KBTBD12: variants seen among roughly 807,000 people sequenced by gnomAD.
KBTBD12 encodes kelch repeat and BTB domain containing 12.
Under a neutral mutation model 58.7 loss-of-function variants are expected in KBTBD12, and 53 were observed. That is an observed-to-expected ratio of 0.90 (90% CI 0.72 to 1.14). The LOEUF (loss-of-function observed/expected upper bound fraction) is 1.14, where lower values mean the gene tolerates loss of function less well. Among genes scored for constraint, KBTBD12 ranks in the 50% most tolerant of loss-of-function variants. The pLI is 0.00. For synonymous variants in KBTBD12, 236 were observed against 259.8 expected (o/e 0.91, Z 0.88); for missense variants, 704 against 751.3 (o/e 0.94, Z 0.74).
At chr3:127,938,051 G>A (rs1463058404) in intron 4 of KBTBD12, among the ~76,000 whole-genome samples, 1 of 152,116 alleles carries the variant, frequency 6.6e-6, no homozygotes, top group African/African-American at 2.4e-5. Flanking sequence ...GAATTTTAAA[G>A]TATGTCTTTA....
chr3:127,972,886 A>T (rs576852312), intron 5 of KBTBD12, among the ~76,000 whole-genome samples: 94 of 152,370 alleles, frequency 6.2e-4, no homozygotes, highest in Middle Eastern at 3.4e-3. Flanking sequence ...GATAGCCAAG[A>T]TCCTAATTTG....
intron 1 of KBTBD12, among the ~76,000 whole-genome samples, chr3:127,921,513 A>G (rs1160613965): frequency 1.3e-5 from 2 of 152,118 alleles, no homozygotes; most frequent in African/African-American, 4.8e-5. Context: ...TGTACCTTAT[A>G]TGTACAAGAA....
At chr3:127,928,381 C>T (rs986132529) in intron 3 of KBTBD12, among the ~76,000 whole-genome samples, 6 of 152,198 alleles carry the variant, frequency 3.9e-5, no homozygotes, top group African/African-American at 1.4e-4. Context: ...TTCTGTGTGT[C>T]TAATAGCTCT....
At chr3:127,931,565 A>G (rs184497699) in intron 4 of KBTBD12, among the ~76,000 whole-genome samples, 32 of 152,244 alleles carry the variant, frequency 2.1e-4, no homozygotes, top group Admixed American at 7.9e-4. Context: ...TGATATATCC[A>G]TTGGACCAGA....
intron 4 of KBTBD12, among the ~76,000 whole-genome samples, chr3:127,951,974 T>C (rs1451879792): frequency 6.6e-6 from 1 of 152,222 alleles, no homozygotes; most frequent in Non-Finnish European, 1.5e-5. Flanking sequence ...TGTTGGAAAA[T>C]GAAAGATTCT....
chr3:127,922,070 T>C (rs1395451203), intron 1 of KBTBD12, among the ~76,000 whole-genome samples: 1 of 152,164 alleles, frequency 6.6e-6, no homozygotes, highest in Admixed American at 6.5e-5. Context: ...TCTAGGAATG[T>C]CCTTCTTTAA....
chr3:127,923,841 C>A lies in KBTBD12; in HGVS notation c.780C>A (p.Pro260=). The A allele has an allele frequency of 6.2e-7, 1 of 1,613,924 alleles. No individual in the cohort carries two copies. Among genetic ancestry groups the A allele is most frequent in the Non-Finnish European group, 8.5e-7 (1 of 1,179,852 alleles). Residue 260 remains proline (P), a synonymous_variant, in exon 2 of 6, where the codon CCC becomes CCA. Coordinates refer to ENST00000405109, the MANE Select transcript of KBTBD12 (RefSeq NM_207335.4). ...IQNAFKAIKT[P]QQHSLNLRYG... ...ATGCATTCAAAGCCATCAAGACACC[C>A]CAACAGCACTCTCTAAATCTGCGCT... is the stretch of plus-strand genomic sequence containing the variant.
At chr3:127,966,730 C>G (rs2107612150) in intron 5 of KBTBD12, among the ~76,000 whole-genome samples, 1 of 152,136 alleles carries the variant, frequency 6.6e-6, no homozygotes, top group South Asian at 2.1e-4. Flanking sequence ...TTCCCCCAAA[C>G]TGAAGTCATC....
At chr3:127,956,543 A>C (rs781144203) in intron 4 of KBTBD12, among the ~76,000 whole-genome samples, 1 of 152,148 alleles carries the variant, frequency 6.6e-6, no homozygotes, top group East Asian at 1.9e-4. Flanking sequence ...ATACTTTTAG[A>C]TTGCTTAAAT....
intron 5 of KBTBD12, among the ~76,000 whole-genome samples, chr3:127,980,104 G>GCT (rs1940848025): frequency 6.6e-6 from 1 of 152,108 alleles, no homozygotes; most frequent in Non-Finnish European, 1.5e-5. Flanking sequence ...GTACTCAGAA[G>GCT]AAATGTAAGC....
chr3:127,945,164 CTTTTTTTTTTTTTTTTTTTTTT>C (rs56216317), intron 4 of KBTBD12, among the ~76,000 whole-genome samples: 19 of 28,772 alleles, frequency 6.6e-4, no homozygotes, highest in Non-Finnish European at 1.1e-3. Context: ...TAGTAGCTAT[CTTTTTTTTTTTTTTTTTTTTTT>C]TTTTTTTTTT....
At chr3:127,948,458 G>T (rs1940135494) in intron 4 of KBTBD12, among the ~76,000 whole-genome samples, 1 of 152,200 alleles carries the variant, frequency 6.6e-6, no homozygotes, top group African/African-American at 2.4e-5. Flanking sequence ...TCTTGCCAAA[G>T]ATCATAAACT....
chr3:127,968,272 C>A (rs1320159600), intron 5 of KBTBD12, among the ~76,000 whole-genome samples: 1 of 152,166 alleles, frequency 6.6e-6, no homozygotes, highest in African/African-American at 2.4e-5. Flanking sequence ...AGTCCTGGGA[C>A]TCACCAGGAG....
chr3:127,927,709 G>T, intron 2 of KBTBD12, 55 bp from the exon 3 acceptor site: 2 of 1,259,896 alleles, frequency 1.6e-6, no homozygotes, highest in Non-Finnish European at 2.1e-6. Flanking sequence ...GTATTTCTTG[G>T]GTAAATTGCT....
intron 2 of KBTBD12, 117 bp from the exon 3 acceptor site, chr3:127,927,647 C>T: frequency 4.0e-6 from 3 of 740,844 alleles, no homozygotes; most frequent in Non-Finnish European, 4.1e-6. Flanking sequence ...GTTTTTTGTC[C>T]TCCAATTGGA....
intron 4 of KBTBD12, among the ~76,000 whole-genome samples, chr3:127,939,781 G>A (rs1028139904): frequency 6.6e-6 from 1 of 152,050 alleles, no homozygotes; most frequent in Non-Finnish European, 1.5e-5. Context: ...AAATGCAGAT[G>A]TTCTAATGAC....
At chr3:127,979,636 G>A (rs58988493) in intron 5 of KBTBD12, among the ~76,000 whole-genome samples, 71 of 152,256 alleles carry the variant, frequency 4.7e-4, no homozygotes, top group African/African-American at 1.7e-3. Flanking sequence ...CACCACATAT[G>A]GGCAGTGGTT....
At chr3:127,939,422 G>A (rs1370251863) in intron 4 of KBTBD12, among the ~76,000 whole-genome samples, 1 of 152,092 alleles carries the variant, frequency 6.6e-6, no homozygotes, top group South Asian at 2.1e-4. Context: ...GAGATCTCAG[G>A]GAGGGTTTTT....
intron 4 of KBTBD12, among the ~76,000 whole-genome samples, chr3:127,930,547 A>G (rs1939677933): frequency 6.6e-6 from 1 of 152,200 alleles, no homozygotes; most frequent in Non-Finnish European, 1.5e-5. Flanking sequence ...ACATCCTTAT[A>G]TATACTACCA....
Sources: allele counts gnomAD v4.1 joint callset (sites outside exome capture counted in the v4.1 genomes callset), GRCh38; gene constraint gnomAD v4.1.1; transcripts MANE v1.5; gene names NCBI Gene and HGNC (gene_info 2026-07-23, HGNC 2026-07-21).